The following CCDC3 variants were observed in gnomAD, a reference collection of about 807,000 sequenced individuals.
CCDC3 encodes the protein coiled-coil domain containing 3, also known as coiled-coil domain-containing protein 3.
CCDC3 carries 24 observed loss-of-function variants against 21.4 expected under a neutral mutation model. The ratio of observed to expected loss-of-function variants is 1.12; its 90% CI spans 0.81 to 1.58. CCDC3 has a LOEUF of 1.58. Ranked by LOEUF, CCDC3 falls within the 40% of genes most tolerant of loss-of-function variation. CCDC3 has a pLI of 0.00. For synonymous variants in CCDC3, 186 were observed against 166.0 expected, an observed-to-expected ratio of 1.12 and a Z score of -0.93; for missense variants, 425 against 360.9, an observed-to-expected ratio of 1.18 and a Z score of -1.44.
chr10:13,084,102 A>T (rs1031798134), intron 3 of CCDC3, among the ~76,000 whole-genome samples: 1 of 152,238 alleles, frequency 6.6e-6, no homozygotes, highest in Non-Finnish European at 1.5e-5. Context: ...TGCAAGATAT[A>T]GTCATTAAGA....
chr10:13,087,788 T>C (rs1837129943), intron 3 of CCDC3, among the ~76,000 whole-genome samples: 1 of 152,196 alleles, frequency 6.6e-6, no homozygotes, highest in Non-Finnish European at 1.5e-5. Flanking sequence ...GCCGCTTTCC[T>C]ATGTACTCTG....
At chr10:12,991,527 T>C (rs768740323) in intron 2 of CCDC3, among the ~76,000 whole-genome samples, 40 of 152,026 alleles carry the variant, frequency 2.6e-4, no homozygotes, top group Non-Finnish European at 4.4e-4. Flanking sequence ...CACCATGTTG[T>C]ATCACCATGT....
At chr10:13,031,957 T>C (rs1359954450) in intron 5 of CCDC3, among the ~76,000 whole-genome samples, 4 of 151,928 alleles carry the variant, frequency 2.6e-5, no homozygotes, top group Admixed American at 2.0e-4. Context: ...TTCCAATCAA[T>C]AGAAAAAGAG....
chr10:13,074,356 TTTTTTTTG>T (rs1836932787), intron 3 of CCDC3, among the ~76,000 whole-genome samples: 1 of 35,414 alleles, frequency 2.8e-5, no homozygotes, highest in East Asian at 6.9e-4. Context: ...TTTTTTTTTT[TTTTTTTTG>T]TAGTAGAGAC....
chr10:12,964,951 T>C (rs957159749), intron 2 of CCDC3, among the ~76,000 whole-genome samples: 4 of 152,192 alleles, frequency 2.6e-5, no homozygotes, highest in Non-Finnish European at 5.9e-5. Flanking sequence ...ACAGTGGCTT[T>C]CTCTGAATTC....
upstream of CCDC3, chr10:13,099,774 G>A (rs1832694812): frequency 6.6e-6 from 1 of 152,094 alleles, no homozygotes. Context: ...TCCTCTTTCT[G>A]TGGGCGGCAG....
At chr10:12,898,803 A>G in intron 2 of CCDC3, 124 bp from the exon 3 acceptor site, 2 of 1,146,406 alleles carry the variant, frequency 1.7e-6, no homozygotes, top group Non-Finnish European at 2.4e-6. Flanking sequence ...CCACCCCAGC[A>G]TGGGCATAAA....
chr10:12,969,014 T>C (rs566107488), intron 2 of CCDC3, among the ~76,000 whole-genome samples: 58 of 152,220 alleles, frequency 3.8e-4, no homozygotes, highest in African/African-American at 1.2e-3. Flanking sequence ...ATAATTATCT[T>C]GAGTGTAAAC....
At chr10:13,086,146 G>A (rs1046159559) in intron 3 of CCDC3, among the ~76,000 whole-genome samples, 13 of 152,134 alleles carry the variant, frequency 8.5e-5, no homozygotes, top group Non-Finnish European at 1.6e-4. Context: ...TTAGGCCAAG[G>A]GAAGCAGGAA....
At chr10:13,014,540 TC>T (rs1248131084) in intron 5 of CCDC3, among the ~76,000 whole-genome samples, 1 of 151,126 alleles carries the variant, frequency 6.6e-6, no homozygotes, top group African/African-American at 2.4e-5. Flanking sequence ...CTGAATTAGA[TC>T]CTTTTGCTCT....
At chr10:13,093,046 T>C (rs10796021) in intron 3 of CCDC3, among the ~76,000 whole-genome samples, 61,818 of 135,740 alleles carry the variant, frequency 0.46, 13,280 homozygotes, top group Middle Eastern at 0.58. Context: ...TTTTTTTTTT[T>C]CAAAAACAAA....
chr10:12,996,728 AGAAGCTCCCTTT>A (rs1472147960), intron 2 of CCDC3, among the ~76,000 whole-genome samples: 24 of 152,194 alleles, frequency 1.6e-4, no homozygotes. Context: ...GAGCCCTGGG[AGAAGCTCCCTTT>A]GAATCTCCCT....
At chr10:13,096,262 C>T (rs906185920) in intron 3 of CCDC3, among the ~76,000 whole-genome samples, 25 of 152,036 alleles carry the variant, frequency 1.6e-4, no homozygotes, top group African/African-American at 5.1e-4. Context: ...TGGCTCAGCG[C>T]AACCTTTGAC....
chr10:12,898,820 G>C (rs575732719), intron 2 of CCDC3, 141 bp from the exon 3 acceptor site: 834 of 993,504 alleles, frequency 8.4e-4, no homozygotes, highest in African/African-American at 5.5e-3. Flanking sequence ...TAAACCCCAG[G>C]ATGTCCTTGA....
intron 2 of CCDC3, among the ~76,000 whole-genome samples, chr10:12,948,476 C>T (rs1834955215): frequency 6.6e-6 from 1 of 151,860 alleles, no homozygotes; most frequent in Non-Finnish European, 1.5e-5. Flanking sequence ...TGCACACACA[C>T]ACACACACAC....
In CCDC3 at chr10:12,925,543, ATCCAAGCCACT is replaced by A. The variant is rs1314888224; in HGVS notation, c.550-26875_550-26865del. Among the ~76,000 whole-genome samples the A allele has an allele frequency of 2.0e-5, 3 of 152,356 alleles. No individual in the cohort carries two copies. The East Asian group carries it at 5.8e-4, about 29-fold the overall frequency. ...GCGAGACACTCTGACCCTGCCTAGC[ATCCAAGCCACT>A]TTTAAAAAATGCACAACTGCCTATC... On this transcript the variant is annotated intron_variant, in intron 2 of 2. Coordinates refer to ENST00000378825, the MANE Select transcript of CCDC3 (RefSeq NM_031455.4).
intron 2 of CCDC3, among the ~76,000 whole-genome samples, chr10:12,936,726 C>CT (rs1281550402): frequency 1.3e-5 from 2 of 152,192 alleles, no homozygotes; most frequent in Non-Finnish European, 2.9e-5. Context: ...TAGGCAGATG[C>CT]TGAGGCCCCC....
At chr10:13,019,403 C>G (rs1836115656) in intron 5 of CCDC3, among the ~76,000 whole-genome samples, 1 of 152,212 alleles carries the variant, frequency 6.6e-6, no homozygotes, top group Non-Finnish European at 1.5e-5. Flanking sequence ...CTGGTTCATT[C>G]ATAGCAAAAG....
chr10:13,011,266 A>G (rs193062644), intron 5 of CCDC3, among the ~76,000 whole-genome samples: 43 of 152,238 alleles, frequency 2.8e-4, no homozygotes, highest in Middle Eastern at 3.4e-3. Flanking sequence ...TTCAGAAGAC[A>G]TGATTCTATA....
Sources: gnomAD v4.1 joint callset for allele counts (sites outside exome capture counted in the v4.1 genomes callset) on GRCh38, gnomAD v4.1.1 for gene constraint, MANE v1.5 for transcripts, NCBI Gene and HGNC (gene_info 2026-07-23, HGNC 2026-07-21) for gene names.